MYO3A: variants seen among roughly 807,000 people sequenced by gnomAD.
The protein encoded by MYO3A is myosin IIIA, also known as myosin-IIIa.
In MYO3A, 180 loss-of-function variants were observed where a neutral mutation model predicts 192.7. That is an observed-to-expected ratio of 0.93 (90% CI 0.83 to 1.06). The LOEUF (loss-of-function observed/expected upper bound fraction) is 1.06. Among genes scored for constraint, MYO3A ranks in the 50% least tolerant of loss-of-function variants. The pLI is 0.00. For synonymous variants in MYO3A, 628 were observed against 645.3 expected (o/e 0.97, Z 0.41); for missense variants, 1,896 against 1,905.0 (o/e 1.00, Z 0.09).
intron 4 of MYO3A, among the ~76,000 whole-genome samples, chr10:25,973,877 T>A (rs934369090): frequency 6.6e-6 from 1 of 152,182 alleles, no homozygotes; most frequent in Non-Finnish European, 1.5e-5. Flanking sequence ...CTGGGACAAC[T>A]GGCTAGCCAT....
chr10:26,037,591 A>G (rs1347466951), intron 10 of MYO3A, among the ~76,000 whole-genome samples: 2 of 152,112 alleles, frequency 1.3e-5, no homozygotes, highest in South Asian at 2.1e-4. Flanking sequence ...TATTGAAGAG[A>G]TTGTCTTTTC....
At chr10:26,059,516 A>G (rs1214608652) in intron 10 of MYO3A, among the ~76,000 whole-genome samples, 1 of 152,192 alleles carries the variant, frequency 6.6e-6, no homozygotes, top group Non-Finnish European at 1.5e-5. Flanking sequence ...CACCACCCCT[A>G]CATACAAACA....
intron 2 of MYO3A, among the ~76,000 whole-genome samples, chr10:25,936,875 G>T (rs769006799): frequency 1.7e-4 from 26 of 151,090 alleles, no homozygotes; most frequent in Non-Finnish European, 4.4e-5. Flanking sequence ...TAGGTACCTG[G>T]AATATGGTAA....
At chr10:26,070,971 T>G (rs1835169993) in intron 14 of MYO3A, among the ~76,000 whole-genome samples, 1 of 152,100 alleles carries the variant, frequency 6.6e-6, no homozygotes, top group Non-Finnish European at 1.5e-5. Context: ...ACGTCAGTCT[T>G]CTACAAATTG....
At chr10:25,937,552 A>G (rs1407454973) in intron 2 of MYO3A, among the ~76,000 whole-genome samples, 3 of 152,320 alleles carry the variant, frequency 2.0e-5, no homozygotes, top group East Asian at 1.9e-4. Context: ...AGCTGTGGAC[A>G]TTGACTTTTA....
intron 18 of MYO3A, among the ~76,000 whole-genome samples, chr10:26,122,803 A>G (rs973435283): frequency 6.6e-6 from 1 of 152,156 alleles, no homozygotes; most frequent in Non-Finnish European, 1.5e-5. Flanking sequence ...AATCAAGACT[A>G]GTGCTTTGTT....
chr10:26,110,869 C>CTTT (rs398054216), intron 17 of MYO3A, among the ~76,000 whole-genome samples: 9 of 130,408 alleles, frequency 6.9e-5, no homozygotes, highest in Admixed American at 1.6e-4. Flanking sequence ...GTTTTCTTTT[C>CTTT]TTTTTTTTTT....
Position 26,145,413 on chromosome 10 carries a change from T to G in MYO3A, c.2417-33T>G, listed in dbSNP as rs569072838. 3.6e-6 allele frequency: 5 copies of G among 1,402,154 alleles called. No homozygotes were observed. In the Admixed American group the frequency reaches 6.7e-5, roughly 19 times the overall value. 86.9% of individuals were successfully genotyped at this position (1,402,154 alleles called of 1,614,324 possible). ...CAGTATTTTTTGAGGATCTCATACA[T>G]GCTTGATATTTGAGTTCAGTATTTT... is the stretch of plus-strand genomic sequence containing the variant. On this transcript the variant is annotated intron_variant, in intron 21 of 34. Coordinates refer to ENST00000642920, the MANE Select transcript of MYO3A (RefSeq NM_017433.5).
intron 15 of MYO3A, 33 bp downstream of exon 15, chr10:26,088,438 G>A: frequency 6.3e-7 from 1 of 1,576,184 alleles, no homozygotes; most frequent in Non-Finnish European, 8.7e-7. Flanking sequence ...CTATTTTGGA[G>A]GAAGCAGAAG....
chr10:26,001,490 C>A lies in MYO3A; in HGVS notation c.508+4232C>A, dbSNP rs138905548. Among the ~76,000 whole-genome samples, 545 of 152,298 alleles carry A rather than the reference C, an allele frequency of 3.6e-3. 2 individuals are homozygous for A. The highest frequency in any genetic ancestry group is 0.012 in the Admixed American group (183 of 15,300). ...TGTTCTCAGCTCTAACTGGAGCAAA[C>A]AGACTTAATCTGCAGGAGGAGCCAC... On this transcript the variant is annotated intron_variant, in intron 6 of 34. Transcript: ENST00000642920.
At chr10:26,162,893 T>G (rs1250196485) in intron 26 of MYO3A, among the ~76,000 whole-genome samples, 1 of 152,236 alleles carries the variant, frequency 6.6e-6, no homozygotes, top group Non-Finnish European at 1.5e-5. Context: ...TTACTCCAGT[T>G]AATCTGTTAA....
At chr10:25,973,130 C>A (rs1462496207) in intron 4 of MYO3A, among the ~76,000 whole-genome samples, 1 of 152,078 alleles carries the variant, frequency 6.6e-6, no homozygotes. Flanking sequence ...AATAGTTTTC[C>A]ATTTGTTTAG....
intron 10 of MYO3A, among the ~76,000 whole-genome samples, chr10:26,065,429 C>T (rs991200199): frequency 1.3e-5 from 2 of 151,360 alleles, no homozygotes; most frequent in Non-Finnish European, 2.9e-5. Flanking sequence ...ATTAAAAATG[C>T]AAAAAAATTA....
At position 25,976,850 on chromosome 10, in the gene MYO3A, C is replaced by T. The variant is rs1460564757; in HGVS notation, c.304-19640C>T. ...ATTTAAAAATTGCATAGGCTAAATA[C>T]GACATAATTCATTCACCTGGATGCA... On this transcript the variant is annotated intron_variant, in intron 4 of 34. Transcript: ENST00000642920. Among the ~76,000 whole-genome samples the T allele has an allele frequency of 2.6e-5, 4 of 152,004 alleles. No individual in the cohort carries two copies. In the South Asian group the frequency reaches 8.3e-4, roughly 31 times the overall value.
chr10:26,179,980 T>A (rs1842543169), intron 31 of MYO3A, among the ~76,000 whole-genome samples: 2 of 152,064 alleles, frequency 1.3e-5, no homozygotes, highest in African/African-American at 4.8e-5. Context: ...ACTACAAACG[T>A]GCGGCACCAC....
chr10:26,046,546 A>G (rs910165042), intron 10 of MYO3A, among the ~76,000 whole-genome samples: 1 of 152,204 alleles, frequency 6.6e-6, no homozygotes, highest in Non-Finnish European at 1.5e-5. Flanking sequence ...GAGTTGTGCA[A>G]CGTGGACACG....
Position 26,143,430 on chromosome 10 carries a change from G to A in MYO3A, c.2263-18G>A, listed in dbSNP as rs1840280167. 1 of 1,599,940 alleles carries A rather than the reference G, an allele frequency of 6.3e-7. No homozygotes were observed. ...TATATATTATTCACAGTTTTAAGTG[G>A]TTTTGTCTTTATTATAGAATGAATA... On this transcript the variant is annotated intron_variant, in intron 20 of 34. Coordinates refer to ENST00000642920, the MANE Select transcript of MYO3A (RefSeq NM_017433.5).
rs573334201 is a variant in MYO3A at position 26,062,515 on chromosome 10, C to CAAAAAAAAAAAAA, written c.954-4454_954-4442dup. 6.0e-3 allele frequency among the ~76,000 whole-genome samples: 251 copies of CAAAAAAAAAAAAA among 42,162 alleles called. 14 individuals are homozygous for CAAAAAAAAAAAAA. Among genetic ancestry groups the CAAAAAAAAAAAAA allele is most frequent in the Non-Finnish European group, 0.01 (161 of 15,960 alleles). The allele number at this position is 42,162 out of a possible 152,430, so 27.7% of individuals were successfully genotyped here. A position where few individuals can be genotyped will look rare whatever the true frequency, so the allele number is the denominator to read the frequency against. On this transcript the variant is annotated intron_variant, in intron 10 of 34. Transcript: ENST00000642920. ...CTGGCGACAGAGTGAGATGCCATCTCAAAAAAAAAAAAAAAAAATTATGGA... is the reference window on the plus strand; with the variant it reads ...CTGGCGACAGAGTGAGATGCCATCTCAAAAAAAAAAAAAAAAAAAAAAAAAAAAAAATTATGGA...
chr10:26,192,655 C>CTTTT (rs35651453), intron 31 of MYO3A, among the ~76,000 whole-genome samples: 2 of 130,928 alleles, frequency 1.5e-5, no homozygotes, highest in Middle Eastern at 3.8e-3. Flanking sequence ...CCTTTCTTTC[C>CTTTT]TTTTTTTTTT....
Sources: gnomAD v4.1 joint callset for allele counts (sites outside exome capture counted in the v4.1 genomes callset) on GRCh38, gnomAD v4.1.1 for gene constraint, MANE v1.5 for transcripts, NCBI Gene and HGNC (gene_info 2026-07-23, HGNC 2026-07-21) for gene names.